Variants in SPIDR observed in about 807,000 individuals in gnomAD.
SPIDR encodes the protein scaffold protein involved in DNA repair.
SPIDR carries 93 observed loss-of-function variants against 104.6 expected under a neutral mutation model. The observed-to-expected ratio is 0.89, with a 90% CI of 0.75 to 1.06. The LOEUF is 1.06. Ranked by LOEUF, SPIDR falls within the 50% of genes least tolerant of loss-of-function variation. The pLI, the probability that SPIDR is intolerant of heterozygous loss-of-function variation, is 0.00. For synonymous variants in SPIDR, 431 were observed against 416.9 expected (o/e 1.03, Z -0.41); for missense variants, 1,154 against 1,111.2 (o/e 1.04, Z -0.55).
Position 47,440,434 on chromosome 8 carries a change from A to C in SPIDR, c.989A>C (p.Gln330Pro), listed in dbSNP as rs1471217674. The C allele has an allele frequency of 5.6e-6, 9 of 1,614,192 alleles. No individual in the cohort carries two copies. Among genetic ancestry groups the C allele is most frequent in the Non-Finnish European group, 6.8e-6 (8 of 1,180,030 alleles). ...LLGSPATSSS[Q>P]SVAPRPGAGL... ...GGGTCACCAGCCACCAGCTCCTCCC[A>C]AAGTGTGGCTCCCAGGCCTGGAGCT... Residue 330 changes from glutamine to proline, a missense_variant, in exon 8 of 20, where the codon CAA becomes CCA. By Grantham distance (76) the Gln-to-Pro change is moderately conservative. Transcript: ENST00000297423.
intron 8 of SPIDR, among the ~76,000 whole-genome samples, chr8:47,458,031 C>G (rs573307696): frequency 6.6e-6 from 1 of 152,086 alleles, no homozygotes; most frequent in Non-Finnish European, 1.5e-5. Flanking sequence ...TAATGTCATG[C>G]CTCCAGATTT....
intron 8 of SPIDR, among the ~76,000 whole-genome samples, chr8:47,586,435 T>C (rs997884352): frequency 6.6e-6 from 1 of 152,254 alleles, no homozygotes; most frequent in African/African-American, 2.4e-5. Flanking sequence ...TGTTTTGTTT[T>C]AGCCATTTTG....
intron 14 of SPIDR, among the ~76,000 whole-genome samples, chr8:47,702,495 C>A (rs1332877704): frequency 6.6e-6 from 1 of 152,304 alleles, no homozygotes; most frequent in Non-Finnish European, 1.5e-5. Context: ...AAAGCCCCCC[C>A]ATCCCACCTC....
chr8:47,273,825 CAA>C (rs1200093728), intron 1 of SPIDR, among the ~76,000 whole-genome samples: 1 of 152,130 alleles, frequency 6.6e-6, no homozygotes, highest in African/African-American at 2.4e-5. Context: ...AATTCAGGCT[CAA>C]GAGATCCTCC....
intron 8 of SPIDR, among the ~76,000 whole-genome samples, chr8:47,481,025 T>C (rs941444222): frequency 6.6e-6 from 1 of 152,306 alleles, no homozygotes; most frequent in South Asian, 2.1e-4. Flanking sequence ...ATGATGAGAT[T>C]GTTGAATAGT....
At chr8:47,466,900 A>AT (rs1554717437) in intron 8 of SPIDR, among the ~76,000 whole-genome samples, 41,803 of 113,912 alleles carry the variant, frequency 0.37, 8,992 homozygotes, top group Non-Finnish European at 0.45. Flanking sequence ...AAAAAAAAAA[A>AT]ATATATATAT....
intron 8 of SPIDR, among the ~76,000 whole-genome samples, chr8:47,462,321 G>C (rs2074078136): frequency 6.6e-6 from 1 of 152,114 alleles, no homozygotes; most frequent in Non-Finnish European, 1.5e-5. Context: ...GTGTCTCTTG[G>C]GTCCTGAAGG....
chr8:47,607,710 A>G (rs2063127933), intron 10 of SPIDR, among the ~76,000 whole-genome samples: 1 of 152,070 alleles, frequency 6.6e-6, no homozygotes, highest in Non-Finnish European at 1.5e-5. Flanking sequence ...TTCTAGTAGT[A>G]GAAGTAGTCT....
rs369487631 is a variant in SPIDR, at chr8:47,735,476, T to C, written c.*26T>C. ...CGGTTGCCGCAGGATCTGTGAACTT[T>C]GCAATGTGGCTGCAAGGGTGGTGGT... On this transcript the variant is annotated 3_prime_UTR_variant, in exon 20 of 20. Transcript: ENST00000297423. 9.3e-6 allele frequency: 15 copies of C among 1,613,962 alleles called. No homozygotes were observed. The highest frequency in any genetic ancestry group is 6.7e-5 in the East Asian group (3 of 44,796).
intron 6 of SPIDR, among the ~76,000 whole-genome samples, chr8:47,403,334 A>G (rs2062192583): frequency 6.6e-6 from 1 of 152,210 alleles, no homozygotes; most frequent in South Asian, 2.1e-4. Flanking sequence ...TATTCAACAT[A>G]GCGTTGGAAG....
At chr8:47,308,687 G>A (rs587749788) in intron 5 of SPIDR, among the ~76,000 whole-genome samples, 2 of 152,326 alleles carry the variant, frequency 1.3e-5, no homozygotes, top group Non-Finnish European at 2.9e-5. Flanking sequence ...TGGAGATGAA[G>A]CAACAATGTG....
At chr8:47,725,974 TG>T (rs1227923663) in intron 16 of SPIDR, among the ~76,000 whole-genome samples, 2 of 152,232 alleles carry the variant, frequency 1.3e-5, no homozygotes, top group Non-Finnish European at 2.9e-5. Context: ...AGTGGGCCTT[TG>T]GTGGGCCTGC....
At chr8:47,300,285 A>G (rs1403877205) in intron 5 of SPIDR, among the ~76,000 whole-genome samples, 2 of 152,014 alleles carry the variant, frequency 1.3e-5, no homozygotes, top group African/African-American at 4.8e-5. Flanking sequence ...TATCTGTGGG[A>G]TTGGTGGTGA....
intron 8 of SPIDR, among the ~76,000 whole-genome samples, chr8:47,532,421 C>T (rs1259143121): frequency 2.0e-5 from 3 of 152,118 alleles, no homozygotes; most frequent in East Asian, 1.9e-4. Context: ...CTATAAGAAC[C>T]TCATTTTAAA....
intron 7 of SPIDR, among the ~76,000 whole-genome samples, chr8:47,426,398 T>C (rs2066421100): frequency 8.9e-6 from 1 of 112,322 alleles, no homozygotes; most frequent in Non-Finnish European, 1.9e-5. Context: ...CTATAATATT[T>C]TGGCTTATCT....
chr8:47,558,293 AAATCTAAAATAAAATAAAG>A (rs1246385673), intron 8 of SPIDR, among the ~76,000 whole-genome samples: 6 of 152,202 alleles, frequency 3.9e-5, no homozygotes, highest in Admixed American at 2.0e-4. Flanking sequence ...TGTATCCCTT[AAATCTAAAATAAAATAAAG>A]AATCTAAAAT....
chr8:47,561,784 A>G (rs1014047672), intron 8 of SPIDR, among the ~76,000 whole-genome samples: 3 of 152,064 alleles, frequency 2.0e-5, no homozygotes, highest in East Asian at 1.9e-4. Flanking sequence ...AAGGGTTACT[A>G]TGGGTCGACA....
chr8:47,314,980 G>A (rs2045025815), intron 5 of SPIDR, among the ~76,000 whole-genome samples: 1 of 152,034 alleles, frequency 6.6e-6, no homozygotes, highest in Admixed American at 6.6e-5. Context: ...AGTATAAGAT[G>A]GAGTTGTTAT....
chr8:47,470,603 A>G (rs1554720315), intron 8 of SPIDR, among the ~76,000 whole-genome samples: 1 of 152,214 alleles, frequency 6.6e-6, no homozygotes, highest in East Asian at 1.9e-4. Context: ...TGACAAGGGC[A>G]CTATGATCAT....
Sources: allele counts gnomAD v4.1 joint callset (sites outside exome capture counted in the v4.1 genomes callset), GRCh38; gene constraint gnomAD v4.1.1; transcripts MANE v1.5; gene names NCBI Gene and HGNC (gene_info 2026-07-23, HGNC 2026-07-21).